Variants in SEM1 observed in about 807,000 individuals in gnomAD.
SEM1 encodes SEM1 26S proteasome subunit.
Under a neutral mutation model 12.7 loss-of-function variants are expected in SEM1, and 3 were observed. The ratio of observed to expected loss-of-function variants is 0.24; its 90% CI spans 0.11 to 0.61. The LOEUF (loss-of-function observed/expected upper bound fraction) is 0.61, where lower values mean the gene tolerates loss of function less well. Ranked by LOEUF, SEM1 falls within the 20% of genes least tolerant of loss-of-function variation. The pLI, the probability that SEM1 is intolerant of heterozygous loss-of-function variation, is 0.88. For synonymous variants in SEM1, 30 were observed against 27.8 expected (o/e 1.08, Z -0.25); for missense variants, 59 against 81.3 (o/e 0.73, Z 1.06).
At chr7:96,610,886 G>A (rs1338326625) in intron 2 of SEM1, among the ~76,000 whole-genome samples, 3 of 152,158 alleles carry the variant, frequency 2.0e-5, no homozygotes, top group Admixed American at 1.3e-4. Flanking sequence ...ATTATTTTAA[G>A]CTGAAGGCAC....
chr7:96,506,698 T>A (rs910806041), exon 3 of SEM1: 5 of 152,068 alleles, frequency 3.3e-5, no homozygotes, highest in African/African-American at 1.2e-4. Context: ...CATTTTGGGA[T>A]CTGCAATTAG....
intron 2 of SEM1, among the ~76,000 whole-genome samples, chr7:96,518,677 A>T (rs772958134): frequency 3.9e-5 from 6 of 152,152 alleles, no homozygotes; most frequent in Non-Finnish European, 8.8e-5. Context: ...GAAGGCAATG[A>T]TCAAGTGAAC....
chr7:96,555,339 T>TCAGA (rs1423366268), intron 2 of SEM1, among the ~76,000 whole-genome samples: 15 of 151,726 alleles, frequency 9.9e-5, no homozygotes, highest in Admixed American at 3.9e-4. Flanking sequence ...GTGCTGTAAA[T>TCAGA]TTCCCTCTAC....
At chr7:96,587,013 C>T (rs1338727257) in intron 2 of SEM1, among the ~76,000 whole-genome samples, 3 of 152,026 alleles carry the variant, frequency 2.0e-5, no homozygotes, top group Admixed American at 6.6e-5. Flanking sequence ...TCCGAACAAC[C>T]GCTAACCACA....
At position 96,643,816 on chromosome 7, in the gene SEM1, G is replaced by C. The variant is rs998990392; in HGVS notation, c.171-21173C>G. 3.3e-5 allele frequency among the ~76,000 whole-genome samples: 5 copies of C among 152,226 alleles called. No individual in the cohort carries two copies. In the East Asian group the frequency reaches 9.6e-4, roughly 29 times the overall value. On this transcript the variant is annotated intron_variant, in intron 2 of 2. Transcript: ENST00000417009. Reference sequence around the variant, plus strand: ...ACCAGGGCCTGTCAGGGGGTGGGGGGTTAGTGGAGGGATAGCATTAAATTT... The same window carrying C: ...ACCAGGGCCTGTCAGGGGGTGGGGGCTTAGTGGAGGGATAGCATTAAATTT...
At chr7:96,545,467 A>T (rs1284095870) in intron 2 of SEM1, among the ~76,000 whole-genome samples, 1 of 152,040 alleles carries the variant, frequency 6.6e-6, no homozygotes, top group Admixed American at 6.6e-5. Flanking sequence ...GGAAAAAAAA[A>T]ATTTAAGACC....
chr7:96,610,350 G>C (rs544349958), intron 2 of SEM1, among the ~76,000 whole-genome samples: 1 of 152,168 alleles, frequency 6.6e-6, no homozygotes, highest in African/African-American at 2.4e-5. Context: ...CCGCCTGCCT[G>C]GGCCTCCCAA....
At chr7:96,484,092 A>T in intron 3 of SEM1, 1 of 1,073,662 alleles carries the variant, frequency 9.3e-7, no homozygotes, top group Non-Finnish European at 1.3e-6. Context: ...GGTAGATCCA[A>T]TCATCCCCAT....
intron 2 of SEM1, among the ~76,000 whole-genome samples, chr7:96,691,608 T>C (rs572333313): frequency 6.6e-6 from 1 of 152,354 alleles, no homozygotes; most frequent in Admixed American, 6.5e-5. Context: ...TGACTTATGA[T>C]ATTATGTTAA....
In SEM1 at chr7:96,509,473, G is replaced by T. The variant is rs556877570; in HGVS notation, c.171-2775C>A. On this transcript the variant is annotated intron_variant and NMD_transcript_variant, in intron 2 of 3. Transcript: ENST00000466986. ...TGTATGATGAGTTATCAGCATCAAT[G>T]TGGATTTTGACACTGAATCAATGGA... Among the ~76,000 whole-genome samples, 4 of 152,258 alleles carry T rather than the reference G, an allele frequency of 2.6e-5. No individual in the cohort carries two copies. In the East Asian group the frequency reaches 7.7e-4, roughly 29 times the overall value.
intron 2 of SEM1, among the ~76,000 whole-genome samples, chr7:96,527,090 G>T (rs1584738408): frequency 6.6e-6 from 1 of 151,952 alleles, no homozygotes; most frequent in East Asian, 1.9e-4. Flanking sequence ...GTTAACTCAG[G>T]TTGGTACATA....
chr7:96,589,160 C>A (rs981632787), intron 2 of SEM1, among the ~76,000 whole-genome samples: 1 of 152,138 alleles, frequency 6.6e-6, no homozygotes, highest in African/African-American at 2.4e-5. Flanking sequence ...TCTCTCAGCT[C>A]CTTCCACCTG....
intron 2 of SEM1, among the ~76,000 whole-genome samples, chr7:96,599,931 C>G (rs1433385482): frequency 6.6e-6 from 1 of 152,204 alleles, no homozygotes; most frequent in Non-Finnish European, 1.5e-5. Flanking sequence ...GTTAGCTTAT[C>G]TAAACATCTG....
At chr7:96,705,122 T>C (rs1178885058) in intron 1 of SEM1, among the ~76,000 whole-genome samples, 1 of 152,170 alleles carries the variant, frequency 6.6e-6, no homozygotes, top group Non-Finnish European at 1.5e-5. Flanking sequence ...CACCAGTCTG[T>C]TGTCTGCCTC....
In SEM1 at chr7:96,483,864, AAGTTCTTTCT is replaced by A; in HGVS notation, c.372_381del (p.Glu125AlafsTer20). 1 of 1,536,714 alleles carries A rather than the reference AAGTTCTTTCT, an allele frequency of 6.5e-7. No homozygotes were observed. Among genetic ancestry groups the A allele is most frequent in the Admixed American group, 2.0e-5 (1 of 50,972 alleles). ...TCTCTGCTATTGATATGCTGCTAGC[AAGTTCTTTCT>A]GCTGGGGCCAGATTGTAGAGGTCAC... On this transcript the variant is annotated frameshift_variant, in exon 4 of 4. Coordinates refer to the SEM1 transcript ENST00000356686. LOFTEE classifies it high-confidence loss of function.
intron 2 of SEM1, among the ~76,000 whole-genome samples, chr7:96,555,482 C>G (rs1805453899): frequency 7.4e-6 from 1 of 135,368 alleles, no homozygotes. Context: ...TGTTCAGTTT[C>G]CATGTAGTTG....
chr7:96,635,988 A>G (rs1563092405), intron 2 of SEM1, among the ~76,000 whole-genome samples: 1 of 152,110 alleles, frequency 6.6e-6, no homozygotes, highest in Non-Finnish European at 1.5e-5. Flanking sequence ...GTGTATTTTC[A>G]TTTTGTAGTT....
At chr7:96,504,203 T>C (rs898445153) in intron 3 of SEM1, among the ~76,000 whole-genome samples, 7 of 152,106 alleles carry the variant, frequency 4.6e-5, no homozygotes, top group African/African-American at 1.4e-4. Context: ...GGTATGTTGT[T>C]TGAACAAGTA....
At chr7:96,521,044 A>G (rs769355342) in intron 2 of SEM1, among the ~76,000 whole-genome samples, 1 of 152,112 alleles carries the variant, frequency 6.6e-6, no homozygotes, top group Non-Finnish European at 1.5e-5. Context: ...ACCTCACAAA[A>G]AAAAGGGGAC....
Sources: allele counts gnomAD v4.1 joint callset (sites outside exome capture counted in the v4.1 genomes callset), GRCh38; gene constraint gnomAD v4.1.1; transcripts MANE v1.5; gene names NCBI Gene and HGNC (gene_info 2026-07-23, HGNC 2026-07-21).